The following SYT2 variants were observed in gnomAD, a reference collection of about 807,000 sequenced individuals.
SYT2 encodes synaptotagmin-2.
A neutral mutation model predicts 39.9 loss-of-function variants in SYT2; 15 were observed. That is an observed-to-expected ratio of 0.38 (90% CI 0.25 to 0.58). The LOEUF is 0.58. SYT2 is among the 20% of genes least tolerant of loss of function. SYT2 has a pLI of 0.70. For synonymous variants in SYT2, 181 were observed against 204.5 expected (o/e 0.89, Z 0.98); for missense variants, 389 against 530.3 (o/e 0.73, Z 2.62).
Position 202,602,680 on chromosome 1 carries a change from T to C in SYT2, c.466-135A>G. On this transcript the variant is annotated intron_variant, in intron 4 of 8. Transcript: ENST00000367268. ...CAGGGAAATGGCGGGAGGCTGGTGC[T>C]AGAGAGGAAGATTGGTCTCCATTTC... is the stretch of plus-strand genomic sequence containing the variant. The C allele has an allele frequency of 1.0e-5, 9 of 883,830 alleles. No homozygotes were observed. In the South Asian group the frequency reaches 1.6e-4, roughly 16 times the overall value. The allele number at this position is 883,830 out of a possible 1,614,324, so 54.7% of individuals were successfully genotyped here. A position where few individuals can be genotyped will look rare whatever the true frequency, so the allele number is the denominator to read the frequency against.
chr1:202,660,906 A>G (rs1165878606), intron 1 of SYT2, among the ~76,000 whole-genome samples: 2 of 152,100 alleles, frequency 1.3e-5, no homozygotes, highest in Non-Finnish European at 2.9e-5. Context: ...CGTCTCCCCC[A>G]GCCTTCCTTC....
chr1:202,655,543 T>C lies in SYT2; in HGVS notation c.-17-49754A>G, dbSNP rs576920369. On this transcript the variant is annotated intron_variant, in intron 1 of 8. Transcript: ENST00000367268. ...GTTTACGCACTGTGCTGGGTCTTTATGTGCCCAACCTACGTGACCCTTGCA... is the reference window on the plus strand; with the variant it reads ...GTTTACGCACTGTGCTGGGTCTTTACGTGCCCAACCTACGTGACCCTTGCA... Among the ~76,000 whole-genome samples the C allele has an allele frequency of 2.0e-5, 3 of 152,296 alleles. No individual in the cohort carries two copies. In the East Asian group the frequency reaches 5.8e-4, roughly 29 times the overall value.
intron 1 of SYT2, chr1:202,630,351 T>A (rs1457646446): frequency 2.0e-6 from 2 of 984,814 alleles, no homozygotes; most frequent in Admixed American, 6.1e-5. Context: ...CAGACCCCAA[T>A]AGAGCGCCGT....
chr1:202,691,713 GAGGGAGAGGGAGAGGGGGGGAGAGAGAGA>G (rs1653826275), intron 1 of SYT2, among the ~76,000 whole-genome samples: 2 of 59,168 alleles, frequency 3.4e-5, no homozygotes, highest in African/African-American at 1.0e-4. Context: ...GGGAGAGGGA[GAGGGAGAGGGAGAGGGGGGGAGAGAGAGA>G]GAGAGAGAGA....
Position 202,602,496 on chromosome 1 carries a change from C to T in SYT2, c.515G>A (p.Gly172Glu). 6.2e-7 allele frequency: 1 copy of T among 1,613,990 alleles called. No individual in the cohort carries two copies. The highest frequency in any genetic ancestry group is 1.1e-5 in the South Asian group (1 of 91,076). Residue 172 changes from glycine to glutamate, a missense_variant, in exon 5 of 9, where the codon GGA becomes GAA. Coordinates refer to ENST00000367268, the MANE Select transcript of SYT2 (RefSeq NM_177402.5). The part of the protein sequence containing the change: ...QAAELPALDM[G>E]GTSDPYVKVF... ...CTTGACATAAGGGTCTGAGGTGCCTCCCATGTCCAGGGCAGGCAGTTCAGC... is the reference window on the plus strand; with the variant it reads ...CTTGACATAAGGGTCTGAGGTGCCTTCCATGTCCAGGGCAGGCAGTTCAGC...
At chr1:202,642,426 G>A (rs1691941956) in intron 1 of SYT2, among the ~76,000 whole-genome samples, 1 of 152,002 alleles carries the variant, frequency 6.6e-6, no homozygotes, top group Non-Finnish European at 1.5e-5. Context: ...GAGATTCAGA[G>A]AGGTGCAGTA....
intron 1 of SYT2, among the ~76,000 whole-genome samples, chr1:202,663,360 C>G (rs566613197): frequency 6.6e-6 from 1 of 152,248 alleles, no homozygotes; most frequent in Non-Finnish European, 1.5e-5. Context: ...CCGGCCCTGC[C>G]CTCTTCTTTC....
intron 1 of SYT2, among the ~76,000 whole-genome samples, chr1:202,695,201 C>A (rs1448949373): frequency 6.6e-6 from 1 of 152,160 alleles, no homozygotes; most frequent in African/African-American, 2.4e-5. Flanking sequence ...CAGACACAAG[C>A]ATTAATGCAA....
intron 1 of SYT2, among the ~76,000 whole-genome samples, chr1:202,672,776 A>AGGGAGGG (rs1692617966): frequency 3.2e-5 from 1 of 31,134 alleles, no homozygotes; most frequent in Non-Finnish European, 5.4e-5. Context: ...AGAGGGAGGG[A>AGGGAGGG]GGGAGAGAGA....
At chr1:202,668,058 C>T (rs112845069) in intron 1 of SYT2, among the ~76,000 whole-genome samples, 1,774 of 152,288 alleles carry the variant, frequency 0.012, 26 homozygotes, top group African/African-American at 0.041. Flanking sequence ...AAAGCCTATG[C>T]AGCAGTTCAA....
Position 202,601,942 on chromosome 1 carries a change from A to T in SYT2, c.749T>A (p.Leu250His). The change falls in exon 6 of 9, where the codon CTC (leucine) becomes CAC (histidine). Residue 250 changes from leucine to histidine, a missense_variant. Leu to His is a moderately conservative substitution (Grantham distance 99). Transcript: ENST00000367268. This position sits in a 1 kb window ranked among gnomAD's most constrained non-coding sequence, Gnocchi z 4.0. The stretch of plus-strand genomic sequence containing the variant: ...TCTCCACTCCTCAATGGGCTGGCCG[A>T]GGTCCACTGTGTTCATAGGCACCTT... ...EVKVPMNTVD[L>H]GQPIEEWRDL... The T allele has an allele frequency of 6.2e-7, 1 of 1,614,082 alleles. No homozygotes were observed. Among genetic ancestry groups the T allele is most frequent in the Non-Finnish European group, 8.5e-7 (1 of 1,180,010 alleles).
chr1:202,681,102 C>T (rs1156519238), intron 1 of SYT2, among the ~76,000 whole-genome samples: 1 of 152,058 alleles, frequency 6.6e-6, no homozygotes, highest in Non-Finnish European at 1.5e-5. Context: ...ACCCCTGGTC[C>T]CACCCTGGCT....
At chr1:202,605,012 T>C in intron 2 of SYT2, 1 of 183,344 alleles carries the variant, frequency 5.5e-6, no homozygotes, top group Admixed American at 5.6e-5. Flanking sequence ...CCTCTGCCCC[T>C]TGTGCCAAGT....
chr1:202,691,018 C>A (rs903585289), intron 1 of SYT2, among the ~76,000 whole-genome samples: 4 of 152,202 alleles, frequency 2.6e-5, no homozygotes, highest in Admixed American at 2.0e-4. Flanking sequence ...CACATGCACA[C>A]AACAGTCTTC....
intron 1 of SYT2, among the ~76,000 whole-genome samples, chr1:202,703,621 TA>T (rs1654177336): frequency 6.6e-6 from 1 of 152,084 alleles, no homozygotes; most frequent in Admixed American, 6.5e-5. Flanking sequence ...CTACCTGAGC[TA>T]AAGAAGCAGA....
chr1:202,671,802 T>G (rs1388415125), intron 1 of SYT2, among the ~76,000 whole-genome samples: 1 of 152,170 alleles, frequency 6.6e-6, no homozygotes, highest in Non-Finnish European at 1.5e-5. Flanking sequence ...AGCCCTGAAC[T>G]TGAATGAAGC....
At chr1:202,690,801 T>C (rs1653799271) in intron 1 of SYT2, among the ~76,000 whole-genome samples, 1 of 152,232 alleles carries the variant, frequency 6.6e-6, no homozygotes, top group Non-Finnish European at 1.5e-5. Context: ...ACAATTCTAA[T>C]AGTCTCTGTG....
chr1:202,608,986 C>A (rs1372787835), intron 1 of SYT2, among the ~76,000 whole-genome samples: 1 of 151,370 alleles, frequency 6.6e-6, no homozygotes, highest in Non-Finnish European at 1.5e-5. Flanking sequence ...ATTAACTCGT[C>A]ATTTAACATT....
chr1:202,625,380 T>G (rs1572635652), intron 1 of SYT2, among the ~76,000 whole-genome samples: 1 of 5,900 alleles, frequency 1.7e-4, no homozygotes, highest in East Asian at 4.0e-3. Flanking sequence ...GGTGTGTGTG[T>G]GTAGTGTGTG....
Sources: gnomAD v4.1 joint callset for allele counts (sites outside exome capture counted in the v4.1 genomes callset) on GRCh38, gnomAD v4.1.1 for gene constraint, Gnocchi (gnomAD v3.1) non-coding constraint, MANE v1.5 for transcripts, NCBI Gene and HGNC (gene_info 2026-07-23, HGNC 2026-07-21) for gene names.